Variants in NEDD9 observed in about 807,000 individuals in gnomAD.
NEDD9 encodes neural precursor cell expressed, developmentally down-regulated 9, also known as enhancer of filamentation 1.
Under a neutral mutation model 76.6 loss-of-function variants are expected in NEDD9, and 26 were observed. That is an observed-to-expected ratio of 0.34 (90% CI 0.25 to 0.47). The LOEUF (loss-of-function observed/expected upper bound fraction) is 0.47, where lower values mean the gene tolerates loss of function less well. Ranked by LOEUF, NEDD9 falls within the 20% of genes least tolerant of loss-of-function variation. The pLI, the probability that NEDD9 is intolerant of heterozygous loss-of-function variation, is 1.00. For missense variants in NEDD9, 937 were observed against 1,058.5 expected (o/e 0.89, Z 1.59); for synonymous variants, 392 against 414.2 (o/e 0.95, Z 0.65).
In NEDD9 at chr6:11,254,000, C is replaced by T. The variant is rs532817339; in HGVS notation, c.13-40273G>A. ...AGCATGAAATTACAGATAAAATACA[C>T]GATGGCCAATTACATTTGAATTTCA... On this transcript the variant is annotated intron_variant, in intron 3 of 3. Coordinates refer to the NEDD9 transcript ENST00000397378. 4.6e-5 allele frequency among the ~76,000 whole-genome samples: 7 copies of T among 152,148 alleles called. No individual in the cohort carries two copies. The East Asian group carries it at 1.4e-3, about 29-fold the overall frequency.
rs928767554 is a variant in NEDD9, at chr6:11,367,812, T to A, written c.-214+14327A>T. ...AATGGCATCCCTTTGAACCAACTAG[T>A]GACTGTAATTGCTTAAACCTAGCTA... On this transcript the variant is annotated intron_variant, in intron 1 of 3. Transcript: ENST00000397378. 3.7e-4 allele frequency among the ~76,000 whole-genome samples: 57 copies of A among 152,206 alleles called. 3 individuals carry two copies. The highest frequency in any genetic ancestry group is 2.9e-5 in the Non-Finnish European group (2 of 68,042).
At chr6:11,360,895 G>C (rs923088099) in intron 1 of NEDD9, among the ~76,000 whole-genome samples, 2 of 152,198 alleles carry the variant, frequency 1.3e-5, no homozygotes, top group Non-Finnish European at 2.9e-5. Context: ...TGCGGACAAT[G>C]GAAGAGAAAG....
At chr6:11,296,411 T>A (rs925350646) in intron 3 of NEDD9, among the ~76,000 whole-genome samples, 2 of 152,192 alleles carry the variant, frequency 1.3e-5, no homozygotes, top group African/African-American at 2.4e-5. Flanking sequence ...CACTACATAG[T>A]GTTTTCATAT....
intron 1 of NEDD9, among the ~76,000 whole-genome samples, chr6:11,364,178 A>G (rs932635814): frequency 6.6e-6 from 1 of 152,236 alleles, no homozygotes; most frequent in South Asian, 2.1e-4. Context: ...GCTCCAAATC[A>G]AAACTCTGGC....
At chr6:11,343,659 G>A (rs369635277) in intron 1 of NEDD9, among the ~76,000 whole-genome samples, 1 of 152,304 alleles carries the variant, frequency 6.6e-6, no homozygotes, top group African/African-American at 2.4e-5. Flanking sequence ...CAAAATGCAT[G>A]CTCAATAAAT....
chr6:11,273,722 T>C (rs1282844975), intron 3 of NEDD9, among the ~76,000 whole-genome samples: 1 of 152,202 alleles, frequency 6.6e-6, no homozygotes, highest in East Asian at 1.9e-4. Context: ...TGGACACCCA[T>C]GACATGTAGG....
At chr6:11,235,237 G>T (rs536911471), upstream of NEDD9, among the ~76,000 whole-genome samples, 19 of 151,912 alleles carry the variant, frequency 1.3e-4, no homozygotes, top group South Asian at 4.0e-3. The surrounding 1 kb of genome is among the most constrained non-coding windows in gnomAD (Gnocchi z 4.1). Context: ...TGACATTATT[G>T]CTATATTCTA....
intron 3 of NEDD9, among the ~76,000 whole-genome samples, chr6:11,303,367 GGA>G (rs1761101816): frequency 6.6e-6 from 1 of 151,980 alleles, no homozygotes; most frequent in African/African-American, 2.4e-5. Context: ...AAATAAAAGA[GGA>G]CACAAACAAA....
At chr6:11,299,116 GAAACAGT>G (rs1441816076) in intron 3 of NEDD9, among the ~76,000 whole-genome samples, 3 of 152,210 alleles carry the variant, frequency 2.0e-5, no homozygotes, top group Non-Finnish European at 4.4e-5. Context: ...TGTACCTGGA[GAAACAGT>G]ACACTCCTGA....
rs369369625 is a variant in NEDD9 at position 11,366,982 on chromosome 6, A to C, written c.-214+15157T>G. 6.9e-4 allele frequency among the ~76,000 whole-genome samples: 105 copies of C among 152,370 alleles called. 2 individuals are homozygous for C. The highest frequency in any genetic ancestry group is 2.5e-3 in the African/African-American group (103 of 41,588). On this transcript the variant is annotated intron_variant, in intron 1 of 3. Transcript: ENST00000397378. ...TTTTGATCCAATGTTGTTACCTAGC[A>C]CCAAGATTGAAGAGATAAATCAAAC...
chr6:11,234,546 G>A (rs112968105), upstream of NEDD9, among the ~76,000 whole-genome samples: 1,085 of 152,118 alleles, frequency 7.1e-3, 8 homozygotes, highest in African/African-American at 0.025. Context: ...CTAGCTAGTG[G>A]CCCTCCTGCT....
chr6:11,188,342 A>T, intron 5 of NEDD9, 35 bp from the exon 6 acceptor site: 1 of 1,471,138 alleles, frequency 6.8e-7, no homozygotes, highest in South Asian at 1.1e-5. Context: ...ATATTATGTC[A>T]TCACTGTGAT....
At chr6:11,328,588 A>G (rs556855950) in intron 2 of NEDD9, 9 of 152,346 alleles carry the variant, frequency 5.9e-5, no homozygotes, top group African/African-American at 2.2e-4. Context: ...GCACTGTTGA[A>G]TCATTGTCTT....
chr6:11,338,089 G>T (rs944826656), intron 1 of NEDD9, among the ~76,000 whole-genome samples: 1 of 152,160 alleles, frequency 6.6e-6, no homozygotes, highest in African/African-American at 2.4e-5. Flanking sequence ...CAGTGCCTCA[G>T]AATGTCATCT....
At chr6:11,296,695 T>A (rs1760901922) in intron 3 of NEDD9, among the ~76,000 whole-genome samples, 4 of 147,222 alleles carry the variant, frequency 2.7e-5, no homozygotes, top group Admixed American at 1.4e-4. Flanking sequence ...CTTCCTTCCT[T>A]CCTTCCTTCC....
rs1049301870 is a variant in NEDD9 at position 11,251,943 on chromosome 6, G to T, written c.13-38216C>A. On this transcript the variant is annotated intron_variant, in intron 3 of 3. Coordinates refer to the NEDD9 transcript ENST00000397378. ...GCATGACTCTATGTATGTGTGTGTG[G>T]GGGGGGATGGTGAGTGATGGGCAAA... Among the ~76,000 whole-genome samples, 92 of 152,126 alleles carry T rather than the reference G, an allele frequency of 6.0e-4. 1 individual carries two copies. Among genetic ancestry groups the T allele is most frequent in the Middle Eastern group, 3.4e-3 (1 of 294 alleles).
intron 3 of NEDD9, among the ~76,000 whole-genome samples, chr6:11,269,268 G>T (rs1410118250): frequency 6.6e-6 from 1 of 152,232 alleles, no homozygotes; most frequent in Admixed American, 6.5e-5. Context: ...AGGCTATTTA[G>T]GGAGCTGCAG....
At chr6:11,305,508 A>G (rs1050856953) in intron 3 of NEDD9, among the ~76,000 whole-genome samples, 2 of 152,220 alleles carry the variant, frequency 1.3e-5, no homozygotes, top group Admixed American at 6.5e-5. Context: ...CCTTGGTTAG[A>G]TAGAAAAATT....
At chr6:11,348,419 A>G (rs1274245542) in intron 1 of NEDD9, among the ~76,000 whole-genome samples, 2 of 152,256 alleles carry the variant, frequency 1.3e-5, no homozygotes, top group African/African-American at 2.4e-5. Flanking sequence ...TCACAGAATT[A>G]GAAAAAACTA....
Sources: allele counts gnomAD v4.1 joint callset (sites outside exome capture counted in the v4.1 genomes callset), GRCh38; gene constraint gnomAD v4.1.1; non-coding constraint Gnocchi (gnomAD v3.1); transcripts MANE v1.5; gene names NCBI Gene and HGNC (gene_info 2026-07-23, HGNC 2026-07-21).